Variants in SNTB1 observed in about 807,000 individuals in gnomAD.
The protein encoded by SNTB1 is syntrophin beta 1, also known as beta-1-syntrophin.
Under a neutral mutation model 48.9 loss-of-function variants are expected in SNTB1, and 36 were observed. That is an observed-to-expected ratio of 0.74 (90% CI 0.56 to 0.97). SNTB1 has a LOEUF of 0.97. Ranked by LOEUF, SNTB1 falls within the 50% of genes least tolerant of loss-of-function variation. The probability of loss-of-function intolerance (pLI) is 0.00; values close to 1 mark genes in which losing one functional copy is unlikely to be tolerated. For synonymous variants in SNTB1, 299 were observed against 294.6 expected, an observed-to-expected ratio of 1.01 and a Z score of -0.15; for missense variants, 786 against 703.4, an observed-to-expected ratio of 1.12 and a Z score of -1.33.
intron 2 of SNTB1, chr8:120,635,874 G>T: frequency 5.4e-6 from 2 of 368,258 alleles, no homozygotes; most frequent in Non-Finnish European, 1.1e-5. Flanking sequence ...AGTCAAGCTG[G>T]CATCCTTTGC....
rs375913214 is a variant in SNTB1 at position 120,693,723 on chromosome 8, G to C, written c.757C>G (p.Arg253Gly). Residue 253 changes from arginine (R) to glycine (G), a missense_variant, in exon 2 of 7, where the codon CGG becomes GGG. By Grantham distance (125) the Arg-to-Gly change is moderately radical. Transcript: ENST00000517992. ...TCAGGGTCGGCCAAGGCCATACTCCGAGTGACGTAGCACATTTTGAGGGGG... is the reference window on the plus strand; with the variant it reads ...TCAGGGTCGGCCAAGGCCATACTCCCAGTGACGTAGCACATTTTGAGGGGG... ...SIPLKMCYVT[R>G]SMALADPENR... The C allele has an allele frequency of 2.5e-6, 4 of 1,613,806 alleles. 1 individual carries two copies. In the South Asian group the frequency reaches 3.3e-5, roughly 13 times the overall value.
intron 1 of SNTB1, among the ~76,000 whole-genome samples, chr8:120,786,416 G>A (rs888725196): frequency 3.3e-5 from 5 of 152,190 alleles, no homozygotes; most frequent in Non-Finnish European, 5.9e-5. Context: ...GGCAGCCCTG[G>A]TGCTCATGAA....
intron 3 of SNTB1, among the ~76,000 whole-genome samples, chr8:120,616,168 A>G (rs1262805016): frequency 6.6e-6 from 1 of 152,198 alleles, no homozygotes; most frequent in Non-Finnish European, 1.5e-5. Flanking sequence ...TAATTATTTA[A>G]TAGTACATTT....
intron 2 of SNTB1, among the ~76,000 whole-genome samples, chr8:120,673,633 A>C (rs1358383435): frequency 6.6e-6 from 1 of 151,746 alleles, no homozygotes; most frequent in Non-Finnish European, 1.5e-5. Flanking sequence ...TTGGGCTATG[A>C]TGGACAACGG....
intron 3 of SNTB1, among the ~76,000 whole-genome samples, chr8:120,626,907 A>G (rs1816893602): frequency 6.6e-6 from 1 of 152,142 alleles, no homozygotes; most frequent in Non-Finnish European, 1.5e-5. Flanking sequence ...CATTCCATTT[A>G]TGTTTGATGC....
At chr8:120,542,959 G>C (rs535176917) in intron 5 of SNTB1, among the ~76,000 whole-genome samples, 1 of 152,214 alleles carries the variant, frequency 6.6e-6, no homozygotes, top group East Asian at 1.9e-4. Context: ...CTCAGATGTG[G>C]CATCTTCCAT....
intron 1 of SNTB1, among the ~76,000 whole-genome samples, chr8:120,764,008 T>G (rs1007867083): frequency 6.6e-6 from 1 of 152,198 alleles, no homozygotes; most frequent in Non-Finnish European, 1.5e-5. Context: ...ATAATACTTA[T>G]GGAGAGTAAT....
intron 3 of SNTB1, among the ~76,000 whole-genome samples, chr8:120,627,373 A>G (rs995387040): frequency 1.1e-4 from 17 of 152,140 alleles, no homozygotes; most frequent in Non-Finnish European, 2.2e-4. Context: ...AATCTGCCCT[A>G]TGAAATGTGA....
chr8:120,652,062 C>A (rs564182978), intron 2 of SNTB1, among the ~76,000 whole-genome samples: 1 of 152,048 alleles, frequency 6.6e-6, no homozygotes, highest in Non-Finnish European at 1.5e-5. Context: ...TTGTTCCAGG[C>A]GCATTTATCA....
At chr8:120,615,669 G>C (rs1362989184) in intron 3 of SNTB1, among the ~76,000 whole-genome samples, 1 of 152,172 alleles carries the variant, frequency 6.6e-6, no homozygotes, top group East Asian at 1.9e-4. Context: ...GCAGCCTCAA[G>C]GTCAGAGCTG....
intron 3 of SNTB1, among the ~76,000 whole-genome samples, chr8:120,630,901 A>G (rs1816968874): frequency 6.6e-6 from 1 of 152,204 alleles, no homozygotes; most frequent in African/African-American, 2.4e-5. Flanking sequence ...TAAGCCTGGA[A>G]CCCTCAGGCC....
chr8:120,597,815 T>A (rs1046968564), intron 3 of SNTB1, among the ~76,000 whole-genome samples: 1 of 152,226 alleles, frequency 6.6e-6, no homozygotes, highest in Non-Finnish European at 1.5e-5. Context: ...GAATCAGGCT[T>A]CTGGCTCATC....
intron 1 of SNTB1, among the ~76,000 whole-genome samples, chr8:120,726,724 C>T (rs1016254070): frequency 1.3e-5 from 2 of 152,158 alleles, no homozygotes; most frequent in African/African-American, 4.8e-5. Context: ...TAGAGATCTA[C>T]AATGTAGGAA....
intron 3 of SNTB1, among the ~76,000 whole-genome samples, chr8:120,610,973 A>C (rs1439144133): frequency 6.6e-6 from 1 of 152,092 alleles, no homozygotes; most frequent in Non-Finnish European, 1.5e-5. Flanking sequence ...TCAAGATTCC[A>C]AGACCCCAAA....
intron 2 of SNTB1, among the ~76,000 whole-genome samples, chr8:120,666,773 T>A (rs1054788635): frequency 1.3e-5 from 2 of 152,178 alleles, no homozygotes; most frequent in African/African-American, 2.4e-5. Context: ...TGTTCATTTT[T>A]AAAAAATTAT....
chr8:120,561,623 T>G (rs898668638), intron 4 of SNTB1, among the ~76,000 whole-genome samples: 31 of 152,192 alleles, frequency 2.0e-4, no homozygotes, highest in African/African-American at 7.5e-4. Context: ...CTTTAATTAG[T>G]TCAACGTATG....
At chr8:120,749,586 C>T (rs547489297) in intron 1 of SNTB1, among the ~76,000 whole-genome samples, 6 of 152,192 alleles carry the variant, frequency 3.9e-5, no homozygotes, top group Admixed American at 2.6e-4. Flanking sequence ...AAGAGGCCCT[C>T]TCTTGTGGTT....
chr8:120,601,261 A>C (rs377155714), intron 3 of SNTB1, among the ~76,000 whole-genome samples: 2 of 152,064 alleles, frequency 1.3e-5, no homozygotes, highest in Admixed American at 6.6e-5. Flanking sequence ...GGGGGAGGGG[A>C]GGTATGCACG....
intron 3 of SNTB1, among the ~76,000 whole-genome samples, chr8:120,582,742 C>T (rs1214378903): frequency 7.2e-5 from 11 of 151,792 alleles, no homozygotes. Flanking sequence ...GGGAATATCA[C>T]ACACTGGGGC....
Sources: gnomAD v4.1 joint callset for allele counts (sites outside exome capture counted in the v4.1 genomes callset) on GRCh38, gnomAD v4.1.1 for gene constraint, MANE v1.5 for transcripts, NCBI Gene and HGNC (gene_info 2026-07-23, HGNC 2026-07-21) for gene names.